CMIP: variants seen among roughly 807,000 people sequenced by gnomAD.
CMIP encodes C-Maf-inducing protein.
Under a neutral mutation model 97.3 loss-of-function variants are expected in CMIP, and 13 were observed. That is an observed-to-expected ratio of 0.13 (90% CI 0.09 to 0.21). CMIP has a LOEUF of 0.21. Ranked by LOEUF, CMIP falls within the 10% of genes least tolerant of loss-of-function variation. The probability of loss-of-function intolerance (pLI) is 1.00; values close to 1 mark genes in which losing one functional copy is unlikely to be tolerated. For synonymous variants in CMIP, 538 were observed against 436.3 expected, an observed-to-expected ratio of 1.23 and a Z score of -2.91; for missense variants, 847 against 1,024.9, an observed-to-expected ratio of 0.83 and a Z score of 2.37.
At chr16:81,598,594 G>A (rs2091603204) in intron 1 of CMIP, among the ~76,000 whole-genome samples, 2 of 152,134 alleles carry the variant, frequency 1.3e-5, no homozygotes, top group Admixed American at 1.3e-4. Flanking sequence ...AGATTTTCTT[G>A]CTCAAAGCCT....
intron 7 of CMIP, among the ~76,000 whole-genome samples, chr16:81,668,778 C>T (rs901931122): frequency 7.3e-5 from 11 of 150,282 alleles, no homozygotes; most frequent in Non-Finnish European, 1.6e-4. Context: ...CCTCTGTCCA[C>T]AGCAGCCTGT....
Position 81,627,551 on chromosome 16 carries a change from G to A in CMIP, c.477+6625G>A, listed in dbSNP as rs1446084043. Among the ~76,000 whole-genome samples the A allele has an allele frequency of 1.3e-5, 2 of 152,064 alleles. No homozygotes were observed. The highest frequency in any genetic ancestry group is 2.9e-5 in the Non-Finnish European group (2 of 67,984). Reference sequence around the variant, plus strand: ...TCCCGGCTGACTCATGGCCTGGGAGGGCTAGGGTGGGTGGGAAGCCCGCCC... The same window carrying A: ...TCCCGGCTGACTCATGGCCTGGGAGAGCTAGGGTGGGTGGGAAGCCCGCCC... On this transcript the variant is annotated intron_variant, in intron 3 of 20. Coordinates refer to ENST00000537098, the MANE Select transcript of CMIP (RefSeq NM_198390.3). This position sits in a 1 kb window ranked among gnomAD's most constrained non-coding sequence, Gnocchi z 4.6.
At chr16:81,612,308 C>T (rs2091844795) in intron 2 of CMIP, among the ~76,000 whole-genome samples, 1 of 152,226 alleles carries the variant, frequency 6.6e-6, no homozygotes, top group Non-Finnish European at 1.5e-5. Context: ...GGAGACCCTC[C>T]TCCCAAGAGT....
At chr16:81,543,897 G>A (rs754173178) in intron 1 of CMIP, among the ~76,000 whole-genome samples, 2 of 152,176 alleles carry the variant, frequency 1.3e-5, no homozygotes, top group Non-Finnish European at 2.9e-5. Flanking sequence ...TAAAGAAGAG[G>A]GTTTACTGAG....
intron 1 of CMIP, among the ~76,000 whole-genome samples, chr16:81,580,428 T>C (rs190053200): frequency 1.3e-5 from 2 of 152,132 alleles, no homozygotes; most frequent in Admixed American, 1.3e-4. Flanking sequence ...CTCTTTTCTT[T>C]CTTTTTTTAA....
At chr16:81,533,009 G>A (rs983710316) in intron 1 of CMIP, among the ~76,000 whole-genome samples, 23 of 152,034 alleles carry the variant, frequency 1.5e-4, no homozygotes, top group Non-Finnish European at 3.1e-4. Flanking sequence ...CACACCACAC[G>A]CTCCCTCGCT....
intron 1 of CMIP, among the ~76,000 whole-genome samples, chr16:81,522,332 C>A (rs1236497401): frequency 6.6e-6 from 1 of 152,140 alleles, no homozygotes; most frequent in Non-Finnish European, 1.5e-5. Context: ...CAGTGCTGCT[C>A]CATCCACTGA....
At chr16:81,657,513 C>T (rs983775117) in intron 4 of CMIP, among the ~76,000 whole-genome samples, 7 of 152,128 alleles carry the variant, frequency 4.6e-5, no homozygotes, top group South Asian at 2.1e-4. Flanking sequence ...CCCCTAGACT[C>T]GACTCACTCA....
chr16:81,562,534 T>G (rs1197064246), intron 1 of CMIP, among the ~76,000 whole-genome samples: 2 of 152,270 alleles, frequency 1.3e-5, no homozygotes, highest in African/African-American at 4.8e-5. Context: ...ATCCCTGGGC[T>G]GGGGCCCATG....
At chr16:81,632,156 A>G (rs949706132) in intron 3 of CMIP, 1 of 152,240 alleles carries the variant, frequency 6.6e-6, no homozygotes, top group Non-Finnish European at 1.5e-5. Context: ...TCCGTCACCC[A>G]GAAGATCTCC....
At chr16:81,558,865 C>A (rs2090821437) in intron 1 of CMIP, among the ~76,000 whole-genome samples, 1 of 152,242 alleles carries the variant, frequency 6.6e-6, no homozygotes, top group Admixed American at 6.5e-5. Context: ...GCCATCCTGA[C>A]TTTGTTCCCT....
intron 1 of CMIP, among the ~76,000 whole-genome samples, chr16:81,581,913 A>G (rs1232483721): frequency 6.6e-6 from 1 of 152,176 alleles, no homozygotes; most frequent in African/African-American, 2.4e-5. Flanking sequence ...GAGACTGGGT[A>G]ATTTTAAGAA....
At chr16:81,471,606 T>G (rs772646643) in intron 1 of CMIP, among the ~76,000 whole-genome samples, 1 of 152,196 alleles carries the variant, frequency 6.6e-6, no homozygotes, top group Non-Finnish European at 1.5e-5. Flanking sequence ...TATACAGTAG[T>G]CCACTCTCAT....
At chr16:81,612,884 C>G (rs1177658679) in intron 2 of CMIP, among the ~76,000 whole-genome samples, 10 of 152,150 alleles carry the variant, frequency 6.6e-5, no homozygotes. Context: ...CAGAGTGACC[C>G]TCGGGGTTCC....
chr16:81,695,980 C>G (rs906834788), intron 13 of CMIP: 1 of 157,698 alleles, frequency 6.3e-6, no homozygotes, highest in African/African-American at 2.4e-5. Context: ...GGTGCCTGCA[C>G]AAGTCAAGAA....
chr16:81,699,610 C>A, intron 14 of CMIP, 75 bp from the exon 15 acceptor site: 2 of 949,526 alleles, frequency 2.1e-6, no homozygotes, highest in Non-Finnish European at 3.3e-6. Context: ...GGCTCTTGGG[C>A]TCACTTCCTG....
chr16:81,544,530 A>C (rs759350189), intron 1 of CMIP, among the ~76,000 whole-genome samples: 3 of 151,144 alleles, frequency 2.0e-5, no homozygotes, highest in Non-Finnish European at 4.4e-5. Flanking sequence ...TGTGGCTCTC[A>C]GGCCACCTCC....
At chr16:81,479,677 T>A (rs1908141488) in intron 1 of CMIP, among the ~76,000 whole-genome samples, 1 of 152,132 alleles carries the variant, frequency 6.6e-6, no homozygotes, top group Admixed American at 6.5e-5. Context: ...TAACATAAAA[T>A]CAACCATTTT....
At chr16:81,508,004 C>G (rs1236342253) in intron 1 of CMIP, among the ~76,000 whole-genome samples, 2 of 152,204 alleles carry the variant, frequency 1.3e-5, no homozygotes, top group Admixed American at 1.3e-4. Flanking sequence ...CCCACTTGGG[C>G]AATGCCAACC....
Sources: allele counts gnomAD v4.1 joint callset (sites outside exome capture counted in the v4.1 genomes callset), GRCh38; gene constraint gnomAD v4.1.1; non-coding constraint Gnocchi (gnomAD v3.1); transcripts MANE v1.5; gene names NCBI Gene and HGNC (gene_info 2026-07-23, HGNC 2026-07-21).